Variants in AIDA observed in about 807,000 individuals in gnomAD.
The protein encoded by AIDA is axin interactor, dorsalization associated.
Under a neutral mutation model 42.7 loss-of-function variants are expected in AIDA, and 18 were observed. The observed-to-expected ratio is 0.42, with a 90% CI of 0.29 to 0.63. AIDA has a LOEUF of 0.63. Ranked by LOEUF, AIDA falls within the 20% of genes least tolerant of loss-of-function variation. The probability of loss-of-function intolerance (pLI) is 0.19; values close to 1 mark genes in which losing one functional copy is unlikely to be tolerated. For missense variants in AIDA, 250 were observed against 354.1 expected, an observed-to-expected ratio of 0.71 and a Z score of 2.36; for synonymous variants, 104 against 122.9, an observed-to-expected ratio of 0.85 and a Z score of 1.02.
Position 222,673,409 on chromosome 1 carries a change from C to T in AIDA, c.610G>A (p.Val204Met). The T allele has an allele frequency of 3.1e-6, 5 of 1,606,472 alleles. No homozygotes were observed. Among genetic ancestry groups the T allele is most frequent in the Non-Finnish European group, 3.4e-6 (4 of 1,175,766 alleles). The change falls in exon 8 of 10, where the codon GTG (valine) becomes ATG (methionine). Residue 204 changes from valine (V) to methionine (M), a missense_variant. Physicochemically the swap from Val to Met is conservative, Grantham distance 21. This residue lies in a region of AIDA where 199 missense variants were observed against 232.6 expected (regional missense o/e 0.86). Coordinates refer to ENST00000340020, the MANE Select transcript of AIDA (RefSeq NM_022831.4). ...CTTGAAGCCACAGGAGTATCTTGCA[C>T]AGGAGTTAAGTCTATGCCATTCAGA... Reference protein sequence around the residue: ...KDLNGIDLTPVQDTPVASRKE... With the variant: ...KDLNGIDLTPMQDTPVASRKE...
chr1:222,707,776 T>C (rs564942729), intron 1 of AIDA, among the ~76,000 whole-genome samples: 56 of 152,342 alleles, frequency 3.7e-4, no homozygotes, highest in Non-Finnish European at 4.3e-4. Context: ...TTCTGTGACA[T>C]AGAAATTCGT....
chr1:222,705,701 G>T (rs1400852031), intron 1 of AIDA, among the ~76,000 whole-genome samples: 1 of 152,120 alleles, frequency 6.6e-6, no homozygotes, highest in Non-Finnish European at 1.5e-5. Context: ...TAGCCAACAT[G>T]GTGAAACCCC....
intron 1 of AIDA, 102 bp downstream of exon 1, chr1:222,712,106 G>A (rs543156026): frequency 1.3e-6 from 2 of 1,523,338 alleles, no homozygotes; most frequent in African/African-American, 2.8e-5. Context: ...CCCACCCTGA[G>A]AAGCCTTGGC....
At chr1:222,700,978 G>T (rs1415158746) in intron 2 of AIDA, among the ~76,000 whole-genome samples, 4 of 146,126 alleles carry the variant, frequency 2.7e-5, no homozygotes, top group South Asian at 2.2e-4. Context: ...TTTTGGGGGG[G>T]GGGGGACAGG....
At chr1:222,706,743 A>G (rs1655848775) in intron 1 of AIDA, among the ~76,000 whole-genome samples, 1 of 150,904 alleles carries the variant, frequency 6.6e-6, no homozygotes, top group South Asian at 2.1e-4. Context: ...GGTGATGCGC[A>G]CCTGTAATCC....
chr1:222,671,119 C>T (rs545344911), intron 8 of AIDA, among the ~76,000 whole-genome samples: 12 of 151,856 alleles, frequency 7.9e-5, no homozygotes, highest in African/African-American at 1.9e-4. Context: ...CCCAGCTACT[C>T]GGGAGGCTGA....
At chr1:222,705,370 C>G (rs1027006179) in intron 1 of AIDA, among the ~76,000 whole-genome samples, 2 of 152,198 alleles carry the variant, frequency 1.3e-5, no homozygotes, top group African/African-American at 4.8e-5. Context: ...CCCGAGTAAT[C>G]TATACACTGT....
At chr1:222,700,581 C>T (rs1443033360) in intron 2 of AIDA, among the ~76,000 whole-genome samples, 1 of 151,452 alleles carries the variant, frequency 6.6e-6, no homozygotes, top group African/African-American at 2.4e-5. Flanking sequence ...CACGTGAAAC[C>T]CTGTCTCTAC....
At chr1:222,694,069 C>T in intron 3 of AIDA, 141 bp downstream of exon 3, 1 of 881,970 alleles carries the variant, frequency 1.1e-6, no homozygotes, top group Non-Finnish European at 1.7e-6. Flanking sequence ...GAAATATGAA[C>T]TAAAAAAGTA....
At position 222,698,702 on chromosome 1, in the gene AIDA, C is replaced by CA. The variant is rs1434491841; in HGVS notation, c.181-4440dup. 4.6e-5 allele frequency among the ~76,000 whole-genome samples: 7 copies of CA among 152,214 alleles called. No homozygotes were observed. The South Asian group carries it at 1.2e-3, about 27-fold the overall frequency. On this transcript the variant is annotated intron_variant, in intron 2 of 9. Transcript: ENST00000340020. Reference sequence around the variant, plus strand: ...CAGACCTCAGGTGATCCGCCCGCCTCAGCCTCCCAAAGTGCTGGGATTACA... The same window carrying CA: ...CAGACCTCAGGTGATCCGCCCGCCTCAAGCCTCCCAAAGTGCTGGGATTACA...
chr1:222,708,978 G>A (rs966441375), intron 1 of AIDA, among the ~76,000 whole-genome samples: 3 of 152,000 alleles, frequency 2.0e-5, no homozygotes, highest in Non-Finnish European at 4.4e-5. Context: ...AAACAATGAC[G>A]TGTGGATAGC....
chr1:222,676,110 G>C lies in AIDA; in HGVS notation c.569C>G (p.Thr190Arg). The C allele has an allele frequency of 1.2e-6, 2 of 1,607,816 alleles. No individual in the cohort carries two copies. Among genetic ancestry groups the C allele is most frequent in the South Asian group, 2.2e-5 (2 of 89,782 alleles). The change falls in exon 7 of 10, where the codon ACA becomes AGA. Residue 190 changes from threonine (T) to arginine (R), a missense_variant. Coordinates refer to ENST00000340020, the MANE Select transcript of AIDA (RefSeq NM_022831.4). ...GAGTCACTTACCCTTTACACTAACT[G>C]TAATATAGGGATCGATGCACTGCCC... ...DAGQCIDPYITVSVKDLNGID... is the reference protein window; with the variant it reads ...DAGQCIDPYIRVSVKDLNGID...
chr1:222,677,887 A>G (rs977488396), intron 6 of AIDA, among the ~76,000 whole-genome samples: 4 of 152,186 alleles, frequency 2.6e-5, no homozygotes, highest in East Asian at 1.9e-4. Context: ...ACACCTCAAT[A>G]GAGAACCTGG....
At chr1:222,684,779 T>C (rs111498981) in intron 6 of AIDA, among the ~76,000 whole-genome samples, 2,070 of 152,340 alleles carry the variant, frequency 0.014, 51 homozygotes, top group African/African-American at 0.047. Context: ...ATTTAATTTA[T>C]GGTAGAAGTT....
chr1:222,683,941 G>C lies in AIDA; in HGVS notation c.460+2989C>G, dbSNP rs182413389. 9.2e-5 allele frequency among the ~76,000 whole-genome samples: 14 copies of C among 151,962 alleles called. No homozygotes were observed. The East Asian group carries it at 1.4e-3, about 15-fold the overall frequency. On this transcript the variant is annotated intron_variant, in intron 6 of 9. Transcript: ENST00000340020. The stretch of plus-strand genomic sequence containing the variant: ...TACCTTTTTTTTATTTTCATGAAAG[G>C]CTGGCTAAAAAGTTTTTAATTTTAA...
At chr1:222,698,750 C>T (rs1655592379) in intron 2 of AIDA, among the ~76,000 whole-genome samples, 1 of 151,034 alleles carries the variant, frequency 6.6e-6, no homozygotes, top group South Asian at 2.1e-4. Context: ...CACGCCTGGC[C>T]CATCAAATAT....
chr1:222,704,446 A>G (rs1655789679), intron 1 of AIDA, among the ~76,000 whole-genome samples: 1 of 152,240 alleles, frequency 6.6e-6, no homozygotes, highest in Admixed American at 6.5e-5. Flanking sequence ...AATGTGGTAT[A>G]TCCATTCAAT....
intron 6 of AIDA, 33 bp from the exon 7 acceptor site, chr1:222,676,251 T>C: frequency 6.3e-7 from 1 of 1,587,214 alleles, no homozygotes; most frequent in Non-Finnish European, 8.6e-7. Context: ...AAAAGCTCCA[T>C]ATCATTTCAC....
At chr1:222,673,751 C>G (rs1170401781) in intron 7 of AIDA, among the ~76,000 whole-genome samples, 1 of 150,502 alleles carries the variant, frequency 6.6e-6, no homozygotes, top group East Asian at 2.0e-4. Flanking sequence ...GCACTCCAGC[C>G]TGGGCAAAAG....
Sources: allele counts gnomAD v4.1 joint callset (sites outside exome capture counted in the v4.1 genomes callset), GRCh38; gene constraint gnomAD v4.1.1; regional missense constraint gnomAD v4.1.1; transcripts MANE v1.5; gene names NCBI Gene and HGNC (gene_info 2026-07-23, HGNC 2026-07-21).